The following IGF2R variants were observed in gnomAD, a reference collection of about 807,000 sequenced individuals.
The protein encoded by IGF2R is insulin like growth factor 2 receptor.
IGF2R carries 91 observed loss-of-function variants against 270.6 expected under a neutral mutation model. The ratio of observed to expected loss-of-function variants is 0.34; its 90% CI spans 0.28 to 0.40. The LOEUF (loss-of-function observed/expected upper bound fraction) is 0.40. Among genes scored for constraint, IGF2R ranks in the 10% least tolerant of loss-of-function variants. IGF2R has a pLI of 1.00. For missense variants in IGF2R, 2,805 were observed against 3,188.3 expected (o/e 0.88, Z 2.90); for synonymous variants, 1,316 against 1,258.9 (o/e 1.05, Z -0.96).
chr6:159,977,925 C>T (rs947135491), intron 1 of IGF2R, among the ~76,000 whole-genome samples: 39 of 151,554 alleles, frequency 2.6e-4, no homozygotes, highest in African/African-American at 7.0e-4. Context: ...GGATGCTAAC[C>T]GTGTTGTAGG....
chr6:160,057,447 A>G (rs561147276), intron 20 of IGF2R, among the ~76,000 whole-genome samples: 6 of 152,334 alleles, frequency 3.9e-5, no homozygotes, highest in Admixed American at 3.3e-4. Context: ...CAACGGCCCC[A>G]GCACAGGGTC....
At position 160,082,773 on chromosome 6, in the gene IGF2R, A is replaced by G. The variant is rs16888665; in HGVS notation, c.5834-1177A>G. ...ATACACATGAGTGAATCAACATGAG[A>G]TGTGGCCAGGGCAGCACGTGGTGTG... On this transcript the variant is annotated intron_variant, in intron 39 of 47. Coordinates refer to ENST00000356956, the MANE Select transcript of IGF2R (RefSeq NM_000876.4). Among the ~76,000 whole-genome samples, 562 of 152,330 alleles carry G rather than the reference A, an allele frequency of 3.7e-3. 5 individuals are homozygous for G. Among genetic ancestry groups the G allele is most frequent in the Middle Eastern group, 0.017 (5 of 294 alleles).
rs539312629 is a variant in IGF2R, at chr6:160,072,894, G to A, written c.4690+10G>A. 7.5e-6 allele frequency: 12 copies of A among 1,605,920 alleles called. No homozygotes were observed. Among genetic ancestry groups the A allele is most frequent in the Middle Eastern group, 1.8e-4 (1 of 5,554 alleles). ...TGCCCTCCTGGCGTGGGTGAGTGCT[G>A]TGGTCTCTCGTGTGTTGTCTGACTC... On this transcript the variant is annotated intron_variant, in intron 33 of 47. Transcript: ENST00000356956.
Position 160,078,217 on chromosome 6 carries a change from T to C in IGF2R, c.5333T>C (p.Leu1778Ser). 6.2e-7 allele frequency: 1 copy of C among 1,614,172 alleles called. No homozygotes were observed. The highest frequency in any genetic ancestry group is 8.5e-7 in the Non-Finnish European group (1 of 1,180,016). Residue 1778 changes from leucine to serine, a missense_variant, in exon 37 of 48, where the codon TTA (leucine) becomes TCA (serine). This residue lies in a region of IGF2R where 1,851 missense variants were observed against 2,207.2 expected (regional missense o/e 0.84). Transcript: ENST00000356956. ...RGVSMGTPKL[L>S]RTSECDFVFE... Reference sequence around the variant, plus strand: ...TGGCAACAGGGAACGCCTAAGCTGTTAAGGACCAGCGAGTGCGACTTTGTG... The same window carrying C: ...TGGCAACAGGGAACGCCTAAGCTGTCAAGGACCAGCGAGTGCGACTTTGTG...
intron 1 of IGF2R, among the ~76,000 whole-genome samples, chr6:159,990,721 C>T (rs753983608): frequency 5.9e-5 from 9 of 152,134 alleles, no homozygotes; most frequent in Non-Finnish European, 1.3e-4. Flanking sequence ...CCTCCGTCTC[C>T]CAGGTTGAAG....
At chr6:160,099,798 C>T (rs141297839) in intron 45 of IGF2R, among the ~76,000 whole-genome samples, 1 of 152,294 alleles carries the variant, frequency 6.6e-6, no homozygotes, top group African/African-American at 2.4e-5. Context: ...TACTGGACAA[C>T]AGTGGTGTCT....
chr6:160,034,715 T>TG (rs1777775266), intron 10 of IGF2R, among the ~76,000 whole-genome samples, 193 bp downstream of exon 10: 1 of 152,174 alleles, frequency 6.6e-6, no homozygotes, highest in African/African-American at 2.4e-5. Context: ...ACTGCCCCAG[T>TG]GGACACACAC....
At chr6:160,027,131 T>C (rs1777578265) in intron 5 of IGF2R, 54 bp from the exon 6 acceptor site, 2 of 1,599,526 alleles carry the variant, frequency 1.3e-6, no homozygotes, top group Admixed American at 3.3e-5. Flanking sequence ...TAAGGGTACG[T>C]GTGATTATCA....
chr6:160,035,955 C>A (rs190801120), intron 10 of IGF2R, among the ~76,000 whole-genome samples: 1 of 152,114 alleles, frequency 6.6e-6, no homozygotes, highest in Non-Finnish European at 1.5e-5. Flanking sequence ...ATGCCAGTCC[C>A]GTGTTGGGGT....
intron 4 of IGF2R, among the ~76,000 whole-genome samples, chr6:160,017,606 A>G (rs1206151306): frequency 6.6e-6 from 1 of 152,206 alleles, no homozygotes; most frequent in African/African-American, 2.4e-5. Context: ...CCTATCCACG[A>G]GAAAAGTATC....
chr6:160,032,179 G>A (rs559223106), intron 7 of IGF2R, among the ~76,000 whole-genome samples: 10 of 152,316 alleles, frequency 6.6e-5, no homozygotes, highest in African/African-American at 2.2e-4. Flanking sequence ...CACCCTGCAC[G>A]GCCTGTTAGC....
chr6:160,057,967 T>C, intron 20 of IGF2R, 56 bp from the exon 21 acceptor site: 1 of 1,020,772 alleles, frequency 9.8e-7, no homozygotes, highest in Non-Finnish European at 1.6e-6. Context: ...ATGTATGTTA[T>C]GTTCCTGTGG....
intron 29 of IGF2R, among the ~76,000 whole-genome samples, chr6:160,067,853 C>T (rs983578410): frequency 1.3e-5 from 2 of 152,300 alleles, no homozygotes; most frequent in East Asian, 1.9e-4. Context: ...GCGGCTGCCC[C>T]GGGCATGGCC....
rs774736150 is a variant in IGF2R at position 160,027,281 on chromosome 6, C to T, written c.743C>T (p.Pro248Leu). The change falls in exon 6 of 48, where the codon CCC becomes CTC. Residue 248 changes from proline to leucine, a missense_variant. Pro to Leu is a moderately conservative substitution (Grantham distance 98). This residue lies in a region of IGF2R where 954 missense variants were observed against 981.1 expected (regional missense o/e 0.97). Transcript: ENST00000356956. ...CACCAGGCGTTTGATGTTGGCCAGC[C>T]CCGGGACGGACTGAAGCTGGTGCGC... ...RGHQAFDVGQPRDGLKLVRKD... is the reference protein window; with the variant it reads ...RGHQAFDVGQLRDGLKLVRKD... 1.2e-6 allele frequency: 2 copies of T among 1,613,958 alleles called. No individual in the cohort carries two copies. Among genetic ancestry groups the T allele is most frequent in the Admixed American group, 3.3e-5 (2 of 60,010 alleles).
chr6:160,023,733 G>A (rs1019054215), intron 4 of IGF2R, among the ~76,000 whole-genome samples: 1 of 152,220 alleles, frequency 6.6e-6, no homozygotes, highest in Non-Finnish European at 1.5e-5. Context: ...GGCTGTGTAA[G>A]CCTGCAGTTC....
intron 2 of IGF2R, among the ~76,000 whole-genome samples, chr6:159,993,369 C>A (rs1200877498): frequency 6.6e-6 from 1 of 152,140 alleles, no homozygotes; most frequent in African/African-American, 2.4e-5. Flanking sequence ...AGTTTCAGAT[C>A]TTACATTTAA....
chr6:160,100,654 C>G (rs746674761), intron 45 of IGF2R, among the ~76,000 whole-genome samples: 1 of 149,638 alleles, frequency 6.7e-6, no homozygotes, highest in Non-Finnish European at 1.5e-5. Flanking sequence ...ACTGTTTGCC[C>G]AAGCTTACAT....
intron 38 of IGF2R, 137 bp downstream of exon 38, chr6:160,079,924 TC>T (rs1448173717): frequency 1.0e-6 from 1 of 966,342 alleles, no homozygotes; most frequent in African/African-American, 1.6e-5. Flanking sequence ...TGTGAGCTGT[TC>T]CTCTGTACAC....
intron 31 of IGF2R, 101 bp from the exon 32 acceptor site, chr6:160,071,809 C>A: frequency 6.9e-7 from 1 of 1,454,076 alleles, no homozygotes; most frequent in Non-Finnish European, 9.6e-7. Flanking sequence ...ATGTCACATG[C>A]TGTGGAGTTT....
Sources: allele counts gnomAD v4.1 joint callset (sites outside exome capture counted in the v4.1 genomes callset), GRCh38; gene constraint gnomAD v4.1.1; regional missense constraint gnomAD v4.1.1; transcripts MANE v1.5; gene names NCBI Gene and HGNC (gene_info 2026-07-23, HGNC 2026-07-21).